Variants in ZXDC observed in about 807,000 individuals in gnomAD.
The protein encoded by ZXDC is ZXD family zinc finger C, also known as zinc finger protein ZXDC.
Under a neutral mutation model 63.6 loss-of-function variants are expected in ZXDC, and 58 were observed. That is an observed-to-expected ratio of 0.91 (90% CI 0.74 to 1.13). ZXDC has a LOEUF of 1.13. Among genes scored for constraint, ZXDC ranks in the 50% most tolerant of loss-of-function variants. ZXDC has a pLI of 0.00. For synonymous variants in ZXDC, 561 were observed against 496.1 expected, an observed-to-expected ratio of 1.13 and a Z score of -1.74; for missense variants, 1,133 against 1,148.9, an observed-to-expected ratio of 0.99 and a Z score of 0.20.
chr3:126,461,378 G>A (rs1934527164), intron 6 of ZXDC, 157 bp downstream of exon 6: 4 of 1,417,732 alleles, frequency 2.8e-6, no homozygotes, highest in African/African-American at 2.9e-5. Flanking sequence ...GATTTGTCAA[G>A]GTCATAAGAA....
In ZXDC at chr3:126,475,705, C is replaced by A; in HGVS notation, c.161G>T (p.Arg54Leu). ...RGPEDGGPGA[R>L]PGEASGPSPP... ...GCTTGGCCCGGAGGCCTCCCCGGGC[C>A]GCGCCCCGGGCCCGCCATCTTCAGG... Residue 54 changes from arginine (R) to leucine (L), a missense_variant, in exon 1 of 10, where the codon CGG becomes CTG. Transcript: ENST00000389709. The A allele has an allele frequency of 7.8e-7, 1 of 1,288,778 alleles. No individual in the cohort carries two copies. Among genetic ancestry groups the A allele is most frequent in the South Asian group, 2.0e-5 (1 of 49,276 alleles). 79.8% of individuals were successfully genotyped at this position (1,288,778 alleles called of 1,614,324 possible). A position where few individuals can be genotyped will look rare whatever the true frequency, so the allele number is the denominator to read the frequency against.
In ZXDC at chr3:126,469,873, A is replaced by G. The variant is rs537544815; in HGVS notation, c.1270+1022T>C. ...TTTCTCAGTTACACCACTTGTATAT[A>G]TGTTCATTATGTTCTAAGAGCTAGG... On this transcript the variant is annotated intron_variant, in intron 4 of 9. Transcript: ENST00000389709. Among the ~76,000 whole-genome samples, 4 of 152,294 alleles carry G rather than the reference A, an allele frequency of 2.6e-5. No individual in the cohort carries two copies. The South Asian group carries it at 8.3e-4, about 32-fold the overall frequency.
intron 1 of ZXDC, among the ~76,000 whole-genome samples, chr3:126,472,941 A>G (rs1207506644): frequency 1.3e-5 from 2 of 152,228 alleles, no homozygotes; most frequent in Admixed American, 1.3e-4. Flanking sequence ...TCCGACAGAA[A>G]CATTCAGGGC....
At chr3:126,461,455 A>C in intron 6 of ZXDC, 80 bp downstream of exon 6, 1 of 1,500,430 alleles carries the variant, frequency 6.7e-7, no homozygotes. Flanking sequence ...CTGCATAGAA[A>C]GGATTAATCC....
intron 4 of ZXDC, among the ~76,000 whole-genome samples, chr3:126,468,558 T>C (rs1934863650): frequency 6.6e-6 from 1 of 152,024 alleles, no homozygotes; most frequent in African/African-American, 2.4e-5. Flanking sequence ...ACACCTAGAC[T>C]TGCTGGAAGA....
intron 7 of ZXDC, chr3:126,442,793 T>G (rs1933733735): frequency 6.6e-6 from 1 of 152,230 alleles, no homozygotes; most frequent in Non-Finnish European, 1.5e-5. Flanking sequence ...GGGATCCAGC[T>G]ATGAACGGCT....
At position 126,462,226 on chromosome 3, in the gene ZXDC, A is replaced by G; in HGVS notation, c.1442-6T>C. On this transcript the variant is annotated splice_polypyrimidine_tract_variant and splice_region_variant and intron_variant, in intron 5 of 9. Transcript: ENST00000389709. Reference sequence around the variant, plus strand: ...TTCTAGCTGAGGTAAGAGATCTGAAAAAAAAAGGAATACACTCTGGTTACT... The same window carrying G: ...TTCTAGCTGAGGTAAGAGATCTGAAGAAAAAAGGAATACACTCTGGTTACT... 1 of 1,580,854 alleles carries G rather than the reference A, an allele frequency of 6.3e-7. No homozygotes were observed. The highest frequency in any genetic ancestry group is 8.6e-7 in the Non-Finnish European group (1 of 1,169,198).
In ZXDC at chr3:126,472,258, G is replaced by A. The variant is rs1402269135; in HGVS notation, c.955C>T (p.Arg319Ter). The change falls in exon 2 of 10, where the codon CGA becomes TGA. Residue 319 changes from arginine (R) to a stop codon, truncating the protein, a stop_gained. Transcript: ENST00000389709. LOFTEE classifies it high-confidence loss of function. The part of the protein sequence containing the change: ...ITVSALFSHN[R>*]AHFREQELFS... ...AGCTCTTGTTCCCTGAAGTGGGCTCGGTTATGGGAAAACAGGGCACTCACT... is the reference window on the plus strand; with the variant it reads ...AGCTCTTGTTCCCTGAAGTGGGCTCAGTTATGGGAAAACAGGGCACTCACT... 2 of 1,612,398 alleles carry A rather than the reference G, an allele frequency of 1.2e-6. No homozygotes were observed. The highest frequency in any genetic ancestry group is 1.7e-6 in the Non-Finnish European group (2 of 1,178,614).
At chr3:126,473,041 T>G (rs1251258850) in intron 1 of ZXDC, among the ~76,000 whole-genome samples, 1 of 152,182 alleles carries the variant, frequency 6.6e-6, no homozygotes, top group Non-Finnish European at 1.5e-5. Flanking sequence ...GATACTATCA[T>G]GCCTATGAAC....
intron 8 of ZXDC, chr3:126,441,150 C>T: frequency 1.0e-6 from 1 of 985,636 alleles, no homozygotes; most frequent in Non-Finnish European, 1.2e-6. Flanking sequence ...GTGCTCAGGG[C>T]TGCTGAAGCA....
At chr3:126,450,697 A>C (rs1250811918) in intron 7 of ZXDC, 8 of 355,294 alleles carry the variant, frequency 2.3e-5, no homozygotes, top group Non-Finnish European at 3.9e-5. Context: ...ACAGGAAGAA[A>C]GGGGAGAAAA....
rs1045642501 is a variant in ZXDC, at chr3:126,452,081, T to C, written c.2212+7572A>G. 5 of 985,282 alleles carry C rather than the reference T, an allele frequency of 5.1e-6. No homozygotes were observed. The African/African-American group carries it at 8.7e-5, about 17-fold the overall frequency. 61.0% of individuals were successfully genotyped at this position (985,282 alleles called of 1,614,324 possible). ...GCATTCACCTGTCAATAACTGGAAA[T>C]GCCATCTTTTCCACACGCAAAGATG... On this transcript the variant is annotated intron_variant, in intron 7 of 9. Coordinates refer to ENST00000389709, the MANE Select transcript of ZXDC (RefSeq NM_025112.5).
At chr3:126,470,506 C>T (rs891927832) in intron 4 of ZXDC, among the ~76,000 whole-genome samples, 8 of 152,210 alleles carry the variant, frequency 5.3e-5, no homozygotes, top group African/African-American at 1.9e-4. Flanking sequence ...AGCTTTACTG[C>T]TCTCCAATTA....
At position 126,461,726 on chromosome 3, in the gene ZXDC, G is replaced by A. The variant is rs1934550851; in HGVS notation, c.1936C>T (p.Pro646Ser). The A allele has an allele frequency of 6.2e-7, 1 of 1,613,946 alleles. No individual in the cohort carries two copies. Among genetic ancestry groups the A allele is most frequent in the African/African-American group, 1.3e-5 (1 of 74,880 alleles). The change falls in exon 6 of 10, where the codon CCC becomes TCC. Residue 646 changes from proline to serine, a missense_variant. Pro to Ser is a moderately conservative substitution (Grantham distance 74). Coordinates refer to ENST00000389709, the MANE Select transcript of ZXDC (RefSeq NM_025112.5). The stretch of plus-strand genomic sequence containing the variant: ...TCCGGGACACTGGCATTTTCTCGGG[G>A]GGTGCTCGAAGAGGTCGGTGTGGTG... ...HITTPTSSST[P>S]RENASVPELL...
chr3:126,473,776 T>C (rs186878420), intron 1 of ZXDC, among the ~76,000 whole-genome samples: 218 of 152,340 alleles, frequency 1.4e-3, no homozygotes, highest in Non-Finnish European at 1.6e-3. Context: ...GCCGTGTGCA[T>C]ATACAGGTTA....
At chr3:126,456,281 G>T (rs1486084481) in intron 7 of ZXDC, among the ~76,000 whole-genome samples, 1 of 152,266 alleles carries the variant, frequency 6.6e-6, no homozygotes, top group Non-Finnish European at 1.5e-5. Flanking sequence ...TAGACCCTTG[G>T]AAAGTCCTGC....
chr3:126,475,331 C>T lies in ZXDC; in HGVS notation c.535G>A (p.Glu179Lys), dbSNP rs567209770. 6.5e-7 allele frequency: 1 copy of T among 1,536,068 alleles called. No homozygotes were observed. The highest frequency in any genetic ancestry group is 1.4e-5 in the African/African-American group (1 of 72,546). Residue 179 changes from glutamate (E) to lysine (K), a missense_variant, in exon 1 of 10, where the codon GAG (glutamate) becomes AAG (lysine). Coordinates refer to ENST00000389709, the MANE Select transcript of ZXDC (RefSeq NM_025112.5). ...GCGAAGGCCAGCGCGCACTGCGGCT[C>T]GGGGCAGCGGTAGCCGGGCGTGCTG... is the stretch of plus-strand genomic sequence containing the variant. ...GPSTPGYRCP[E>K]PQCALAFAKK...
rs368200324 is a variant in ZXDC, at chr3:126,466,036, C to T, written c.1441+119G>A. On this transcript the variant is annotated intron_variant, in intron 5 of 9. Coordinates refer to ENST00000389709, the MANE Select transcript of ZXDC (RefSeq NM_025112.5). ...AAGAGGCCACTTGGCTTGGCAGCCACGCCCACAACCCCACTGCCTGACGCC... is the reference window on the plus strand; with the variant it reads ...AAGAGGCCACTTGGCTTGGCAGCCATGCCCACAACCCCACTGCCTGACGCC... 29 of 1,242,170 alleles carry T rather than the reference C, an allele frequency of 2.3e-5. No homozygotes were observed. The East Asian group carries it at 2.4e-4, about 10-fold the overall frequency. The allele number at this position is 1,242,170 out of a possible 1,614,324, so 76.9% of individuals were successfully genotyped here.
At chr3:126,447,024 T>C (rs1386763872) in intron 7 of ZXDC, among the ~76,000 whole-genome samples, 3 of 152,238 alleles carry the variant, frequency 2.0e-5, no homozygotes, top group Non-Finnish European at 2.9e-5. Context: ...CTTAGGGATG[T>C]GCTGCTCACA....
Sources: allele counts gnomAD v4.1 joint callset (sites outside exome capture counted in the v4.1 genomes callset), GRCh38; gene constraint gnomAD v4.1.1; transcripts MANE v1.5; gene names NCBI Gene and HGNC (gene_info 2026-07-23, HGNC 2026-07-21).